The following GAS2L3 variants were observed in gnomAD, a reference collection of about 807,000 sequenced individuals.
The protein encoded by GAS2L3 is GAS2-like protein 3.
Under a neutral mutation model 37.0 loss-of-function variants are expected in GAS2L3, and 28 were observed. The ratio of observed to expected loss-of-function variants is 0.76; its 90% CI spans 0.56 to 1.04. GAS2L3 has a LOEUF of 1.04. Among genes scored for constraint, GAS2L3 ranks in the 50% least tolerant of loss-of-function variants. GAS2L3 has a pLI of 0.00. For missense variants in GAS2L3, 793 were observed against 817.6 expected (o/e 0.97, Z 0.37); for synonymous variants, 290 against 296.6 (o/e 0.98, Z 0.23).
intron 3 of GAS2L3, among the ~76,000 whole-genome samples, chr12:100,596,180 C>T (rs1428917816): frequency 2.0e-5 from 3 of 151,986 alleles, no homozygotes; most frequent in Admixed American, 6.6e-5. Context: ...CCCTTTGGGT[C>T]CTCTCACATC....
chr12:100,596,692 A>G lies in GAS2L3; in HGVS notation c.18+1770A>G, dbSNP rs145813446. 3.1e-3 allele frequency among the ~76,000 whole-genome samples: 474 copies of G among 152,264 alleles called. 1 individual carries two copies. The highest frequency in any genetic ancestry group is 0.011 in the African/African-American group (451 of 41,574). ...TACTTCAAGATATTTCTTGCCATTCATCTGTGTCCTTCATTCTGATTAATA... is the reference window on the plus strand; with the variant it reads ...TACTTCAAGATATTTCTTGCCATTCGTCTGTGTCCTTCATTCTGATTAATA... On this transcript the variant is annotated intron_variant, in intron 3 of 9. Transcript: ENST00000547754.
chr12:100,589,031 C>A (rs1439364013), intron 1 of GAS2L3, among the ~76,000 whole-genome samples: 1 of 152,078 alleles, frequency 6.6e-6, no homozygotes. Context: ...CACAGTGGTC[C>A]TGAGGTGATG....
rs1039858335 is a variant in GAS2L3 at position 100,606,247 on chromosome 12, T to C, written c.303+4494T>C. Among the ~76,000 whole-genome samples the C allele has an allele frequency of 4.1e-4, 62 of 152,222 alleles. 1 individual carries two copies. Among genetic ancestry groups the C allele is most frequent in the African/African-American group, 1.4e-3 (59 of 41,570 alleles). ...CCTCTTTATCATTATACAATGACCT[T>C]CTTTGTCTCTTCTTATGGGTTTTGT... On this transcript the variant is annotated intron_variant, in intron 5 of 9. Coordinates refer to ENST00000547754, the MANE Select transcript of GAS2L3 (RefSeq NM_174942.3).
At chr12:100,609,763 C>G (rs563630153) in intron 5 of GAS2L3, among the ~76,000 whole-genome samples, 5 of 152,244 alleles carry the variant, frequency 3.3e-5, no homozygotes, top group African/African-American at 1.2e-4. Flanking sequence ...GGGGTTGGTC[C>G]AAATGCTTTC....
At chr12:100,613,527 A>T (rs1181714599) in intron 6 of GAS2L3, among the ~76,000 whole-genome samples, 3 of 152,190 alleles carry the variant, frequency 2.0e-5, no homozygotes, top group Non-Finnish European at 2.9e-5. Flanking sequence ...ATAGCTTTGA[A>T]AGAGTATACT....
chr12:100,589,796 CA>C (rs1421324939), intron 1 of GAS2L3, among the ~76,000 whole-genome samples: 1 of 152,070 alleles, frequency 6.6e-6, no homozygotes, highest in Non-Finnish European at 1.5e-5. Flanking sequence ...TCATCTTTGA[CA>C]AAGCAAACAA....
chr12:100,595,408 T>TG (rs201841178), intron 3 of GAS2L3, among the ~76,000 whole-genome samples: 2,099 of 151,366 alleles, frequency 0.014, 56 homozygotes, highest in African/African-American at 0.048. Context: ...GTTTTTTTTT[T>TG]TTTGTTTTGT....
At chr12:100,615,483 G>A (rs1370367080) in intron 6 of GAS2L3, among the ~76,000 whole-genome samples, 6 of 151,706 alleles carry the variant, frequency 4.0e-5, no homozygotes, top group South Asian at 2.1e-4. Context: ...TTTGATATAC[G>A]AAAGTTTTAA....
At chr12:100,584,704 G>C (rs1433842661) in intron 1 of GAS2L3, among the ~76,000 whole-genome samples, 3 of 151,854 alleles carry the variant, frequency 2.0e-5, no homozygotes, top group African/African-American at 7.3e-5. Context: ...CTCCCGAGTA[G>C]CTGGGACTAT....
At chr12:100,596,140 A>G (rs1955908973) in intron 3 of GAS2L3, among the ~76,000 whole-genome samples, 1 of 152,024 alleles carries the variant, frequency 6.6e-6, no homozygotes, top group South Asian at 2.1e-4. Context: ...TGGGGAGTCC[A>G]TGACTGTCTC....
Position 100,626,349 on chromosome 12 carries a change from G to A in GAS2L3, c.*1459G>A, listed in dbSNP as rs759234064. The A allele has an allele frequency of 6.6e-6, 1 of 152,096 alleles. No individual in the cohort carries two copies. Among genetic ancestry groups the A allele is most frequent in the Non-Finnish European group, 1.5e-5 (1 of 68,028 alleles). 9.4% of individuals were successfully genotyped at this position (152,096 alleles called of 1,614,324 possible). A position where few individuals can be genotyped will look rare whatever the true frequency, so the allele number is the denominator to read the frequency against. On this transcript the variant is annotated 3_prime_UTR_variant, in exon 10 of 10. Transcript: ENST00000547754. ...GAAGATAAATGACCTTTTGCCTGAA[G>A]AGTACAGATAAAATCAAAGATGTGT... is the stretch of plus-strand genomic sequence containing the variant.
At chr12:100,578,859 C>G (rs1955671054) in intron 1 of GAS2L3, 1 of 742,306 alleles carries the variant, frequency 1.3e-6, no homozygotes, top group Non-Finnish European at 2.5e-6. Flanking sequence ...TGTATGGCAT[C>G]TGACTTTTTC....
chr12:100,613,414 T>C (rs1956149639), intron 6 of GAS2L3, among the ~76,000 whole-genome samples: 4 of 152,214 alleles, frequency 2.6e-5, no homozygotes. Context: ...ACAAATATAC[T>C]ATTTTAAGGA....
rs1955598033 is a variant in GAS2L3, at chr12:100,573,708, T to G, written c.-229T>G. On this transcript the variant is annotated 5_prime_UTR_variant, in exon 1 of 10. Transcript: ENST00000547754. ...CAGGCGGCGGCGGCAGCGGCGGCGG[T>G]TGGTCAGGGGCGTGTTGGCCCCGCA... The G allele has an allele frequency of 1.9e-5, 3 of 159,074 alleles. No homozygotes were observed. The highest frequency in any genetic ancestry group is 3.4e-4 in the South Asian group (2 of 5,800). 9.9% of individuals were successfully genotyped at this position (159,074 alleles called of 1,614,324 possible).
At position 100,617,676 on chromosome 12, in the gene GAS2L3, T is replaced by C. The variant is rs1956203909; in HGVS notation, c.446-68T>C. ...TATTCTTTTTTATTTAACTCTCTTC[T>C]TCCATGCCAGAAATATGTTTCCATA... On this transcript the variant is annotated intron_variant, in intron 6 of 9. Coordinates refer to ENST00000547754, the MANE Select transcript of GAS2L3 (RefSeq NM_174942.3). The C allele has an allele frequency of 1.3e-5, 12 of 959,568 alleles. No individual in the cohort carries two copies. The South Asian group carries it at 1.6e-4, about 13-fold the overall frequency. 59.4% of individuals were successfully genotyped at this position (959,568 alleles called of 1,614,324 possible).
chr12:100,604,474 G>GTTTTTTTTTT (rs56690394), intron 5 of GAS2L3, among the ~76,000 whole-genome samples: 1 of 129,292 alleles, frequency 7.7e-6, no homozygotes, highest in African/African-American at 2.8e-5. Context: ...AGCTGTAGTT[G>GTTTTTTTTTT]TTTTTTTTTT....
rs141902756 is a variant in GAS2L3, at chr12:100,624,438, C to T, written c.1633C>T (p.Gln545Ter). ...TQSQPSDGAPQAKPVPAQKLK... is the reference protein window; with the variant it reads ...TQSQPSDGAP Reference sequence around the variant, plus strand: ...GTCTCAACCATCCGATGGAGCCCCACAAGCAAAGCCAGTCCCAGCACAGAA... The same window carrying T: ...GTCTCAACCATCCGATGGAGCCCCATAAGCAAAGCCAGTCCCAGCACAGAA... Residue 545 changes from glutamine to a stop codon, truncating the protein, a stop_gained, in exon 10 of 10, where the codon CAA becomes TAA. Transcript: ENST00000547754. LOFTEE classifies it low-confidence loss of function (END_TRUNC). The T allele has an allele frequency of 5.4e-5, 87 of 1,613,894 alleles. No individual in the cohort carries two copies. The highest frequency in any genetic ancestry group is 7.1e-5 in the Non-Finnish European group (84 of 1,180,006).
In GAS2L3 at chr12:100,603,253, C is replaced by T. The variant is rs141094210; in HGVS notation, c.303+1500C>T. Reference sequence around the variant, plus strand: ...ACAGTGGCTGTAATAATTTATATTACCACCAGCAGTGTATGAGGGTTCCCT... The same window carrying T: ...ACAGTGGCTGTAATAATTTATATTATCACCAGCAGTGTATGAGGGTTCCCT... On this transcript the variant is annotated intron_variant, in intron 5 of 9. Transcript: ENST00000547754. 4.3e-3 allele frequency among the ~76,000 whole-genome samples: 661 copies of T among 152,266 alleles called. 6 individuals are homozygous for T. The highest frequency in any genetic ancestry group is 0.015 in the African/African-American group (638 of 41,556).
intron 1 of GAS2L3, chr12:100,580,271 T>G (rs542608501): frequency 1.8e-5 from 8 of 440,782 alleles, no homozygotes; most frequent in East Asian, 1.3e-4. Flanking sequence ...ACCTGCTTTT[T>G]GGGGGCTTGT....
Sources: allele counts gnomAD v4.1 joint callset (sites outside exome capture counted in the v4.1 genomes callset), GRCh38; gene constraint gnomAD v4.1.1; transcripts MANE v1.5; gene names NCBI Gene and HGNC (gene_info 2026-07-23, HGNC 2026-07-21).